The following WWOX variants were observed in gnomAD, a reference collection of about 807,000 sequenced individuals.
The protein encoded by WWOX is WW domain-containing oxidoreductase.
WWOX carries 69 observed loss-of-function variants against 46.2 expected under a neutral mutation model. The ratio of observed to expected loss-of-function variants is 1.49; its 90% confidence interval spans 1.23 to 1.82. WWOX has a LOEUF of 1.82. Among genes scored for constraint, WWOX ranks in the 40% most tolerant of loss-of-function variants. WWOX has a pLI of 0.00. For missense variants in WWOX, 919 were observed against 542.6 expected (o/e 1.69, Z -6.89); for synonymous variants, 359 against 202.6 (o/e 1.77, Z -6.56).
chr16:78,603,634 C>T (rs940792743), intron 8 of WWOX, among the ~76,000 whole-genome samples: 1 of 152,108 alleles, frequency 6.6e-6, no homozygotes, highest in Non-Finnish European at 1.5e-5. Flanking sequence ...GAGGAGGTTG[C>T]AGTGAACTAA....
At chr16:78,486,852 A>T (rs540186577) in intron 8 of WWOX, among the ~76,000 whole-genome samples, 2 of 152,268 alleles carry the variant, frequency 1.3e-5, no homozygotes, top group African/African-American at 4.8e-5. Context: ...GATTACAGGC[A>T]TGAGCCACCG....
chr16:78,956,355 A>G (rs2046166742), intron 8 of WWOX, among the ~76,000 whole-genome samples: 1 of 152,012 alleles, frequency 6.6e-6, no homozygotes, highest in East Asian at 1.9e-4. Flanking sequence ...GAGTTTCACC[A>G]TGTTGGCCAG....
At chr16:79,072,172 G>C (rs1378680132) in intron 8 of WWOX, among the ~76,000 whole-genome samples, 2 of 152,126 alleles carry the variant, frequency 1.3e-5, no homozygotes, top group East Asian at 1.9e-4. Flanking sequence ...TGTAGTCCTA[G>C]CTACTCAGGA....
At chr16:78,218,313 C>G (rs970142524) in intron 5 of WWOX, among the ~76,000 whole-genome samples, 2 of 152,094 alleles carry the variant, frequency 1.3e-5, no homozygotes, top group Admixed American at 1.3e-4. Context: ...TGGGCTCAAA[C>G]TCCTGGGTTT....
At chr16:78,970,578 A>G (rs899323103) in intron 8 of WWOX, among the ~76,000 whole-genome samples, 2 of 152,238 alleles carry the variant, frequency 1.3e-5, no homozygotes, top group African/African-American at 4.8e-5. Flanking sequence ...TGGAAGAGTA[A>G]GACATTCAAG....
intron 5 of WWOX, among the ~76,000 whole-genome samples, chr16:78,196,955 G>A (rs1357329318): frequency 6.6e-6 from 1 of 152,148 alleles, no homozygotes; most frequent in East Asian, 1.9e-4. Context: ...TTGTTTCCTG[G>A]TGAATTCCTT....
intron 8 of WWOX, among the ~76,000 whole-genome samples, chr16:79,184,263 C>T (rs1458983498): frequency 6.6e-6 from 1 of 152,174 alleles, no homozygotes; most frequent in African/African-American, 2.4e-5. Flanking sequence ...TTGTAGAGTC[C>T]ACACAGAAGA....
At chr16:78,916,098 T>C (rs772523236) in intron 8 of WWOX, among the ~76,000 whole-genome samples, 5 of 152,146 alleles carry the variant, frequency 3.3e-5, no homozygotes, top group Non-Finnish European at 2.9e-5. Context: ...GGTGGTCAGA[T>C]TCCCAGCACA....
At chr16:78,922,226 G>C (rs2045395603) in intron 8 of WWOX, among the ~76,000 whole-genome samples, 1 of 152,008 alleles carries the variant, frequency 6.6e-6, no homozygotes, top group South Asian at 2.1e-4. Context: ...AATATTGTTG[G>C]TCCTTTAAGA....
At chr16:78,191,491 C>T (rs1435046859) in intron 5 of WWOX, among the ~76,000 whole-genome samples, 1 of 152,162 alleles carries the variant, frequency 6.6e-6, no homozygotes, top group Non-Finnish European at 1.5e-5. Context: ...ATGGTCCCAA[C>T]GTTTTAGGAA....
At chr16:78,292,359 C>T (rs2079874259) in intron 5 of WWOX, among the ~76,000 whole-genome samples, 1 of 152,114 alleles carries the variant, frequency 6.6e-6, no homozygotes, top group Non-Finnish European at 1.5e-5. Flanking sequence ...TATCTTTGGC[C>T]TAACAACTGA....
intron 8 of WWOX, among the ~76,000 whole-genome samples, chr16:78,666,183 A>T (rs962778196): frequency 3.9e-4 from 59 of 152,076 alleles, no homozygotes; most frequent in African/African-American, 1.4e-3. Flanking sequence ...GCTACTCAGG[A>T]GGCTAAGGCA....
In WWOX at chr16:78,535,823, A is replaced by C. The variant is rs547416528; in HGVS notation, c.1056+103071A>C. 3.9e-5 allele frequency among the ~76,000 whole-genome samples: 6 copies of C among 152,290 alleles called. 1 individual carries two copies. The East Asian group carries it at 1.2e-3, about 29-fold the overall frequency. ...ACCAGACACAAGTTGGAGGGAATCC[A>C]TCTCCAGTGCTGCTCAGAGGTATGA... On this transcript the variant is annotated intron_variant, in intron 8 of 8. Transcript: ENST00000566780.
chr16:79,064,971 C>T (rs1349829128), intron 8 of WWOX, among the ~76,000 whole-genome samples: 1 of 152,044 alleles, frequency 6.6e-6, no homozygotes, highest in Non-Finnish European at 1.5e-5. Flanking sequence ...GCATGGATGC[C>T]CCTGAGCACC....
In WWOX at chr16:78,380,337, C is replaced by T. The variant is rs376051500; in HGVS notation, c.517-6523C>T. On this transcript the variant is annotated intron_variant, in intron 5 of 8. Transcript: ENST00000566780. Reference sequence around the variant, plus strand: ...TGGCTTTGCAGTTATTATCTTGATGCGGCTGTGCATGAGCCTTTTGAACCT... The same window carrying T: ...TGGCTTTGCAGTTATTATCTTGATGTGGCTGTGCATGAGCCTTTTGAACCT... Among the ~76,000 whole-genome samples, 43 of 152,254 alleles carry T rather than the reference C, an allele frequency of 2.8e-4. No homozygotes were observed. The Middle Eastern group carries it at 0.01, about 36-fold the overall frequency.
rs577548239 is a variant in WWOX at position 78,217,403 on chromosome 16, GA to G, written c.516+53117del. 8.5e-5 allele frequency among the ~76,000 whole-genome samples: 13 copies of G among 152,300 alleles called. No individual in the cohort carries two copies. The East Asian group carries it at 2.3e-3, about 27-fold the overall frequency. ...GGGAAAATGCTAAAGATATAAAGTA[GA>G]AATAGCCTTTGTGTGATGTGAGCAG... On this transcript the variant is annotated intron_variant, in intron 5 of 8. Coordinates refer to ENST00000566780, the MANE Select transcript of WWOX (RefSeq NM_016373.4).
chr16:78,921,367 G>T (rs1202618635), intron 8 of WWOX, among the ~76,000 whole-genome samples: 1 of 152,198 alleles, frequency 6.6e-6, no homozygotes, highest in East Asian at 1.9e-4. Flanking sequence ...CCTGCTGATG[G>T]AAAGGTGGAC....
intron 8 of WWOX, among the ~76,000 whole-genome samples, chr16:78,709,001 T>G (rs889154278): frequency 6.6e-6 from 1 of 152,218 alleles, no homozygotes; most frequent in Non-Finnish European, 1.5e-5. Flanking sequence ...TTAAATTTTA[T>G]CAGGCTCATA....
chr16:78,148,690 G>A (rs2151717397), intron 4 of WWOX, among the ~76,000 whole-genome samples: 1 of 152,042 alleles, frequency 6.6e-6, no homozygotes, highest in East Asian at 1.9e-4. Context: ...GAGGTCAGGA[G>A]ATCGAGACCA....
Sources: gnomAD v4.1 joint callset for allele counts (sites outside exome capture counted in the v4.1 genomes callset) on GRCh38, gnomAD v4.1.1 for gene constraint, MANE v1.5 for transcripts, NCBI Gene and HGNC (gene_info 2026-07-23, HGNC 2026-07-21) for gene names.